TRPM3: variants seen among roughly 807,000 people sequenced by gnomAD.
TRPM3 encodes the protein long transient receptor potential channel 3.
Under a neutral mutation model 181.2 loss-of-function variants are expected in TRPM3, and 77 were observed. That is an observed-to-expected ratio of 0.42 (90% confidence interval 0.35 to 0.51). The LOEUF (loss-of-function observed/expected upper bound fraction) is 0.51, where lower values mean the gene tolerates loss of function less well. TRPM3 is among the 20% of genes least tolerant of loss of function. The pLI is 0.01. For missense variants in TRPM3, 1,759 were observed against 2,196.7 expected (o/e 0.80, Z 3.98); for synonymous variants, 745 against 796.4 (o/e 0.94, Z 1.09).
intron 1 of TRPM3, among the ~76,000 whole-genome samples, chr9:71,114,661 G>A (rs2071908996): frequency 6.6e-6 from 1 of 152,168 alleles, no homozygotes; most frequent in Non-Finnish European, 1.5e-5. Context: ...AGTTATGGCT[G>A]CTTCAGCCTT....
At chr9:71,012,522 T>C (rs1255874682) in intron 1 of TRPM3, among the ~76,000 whole-genome samples, 3 of 151,942 alleles carry the variant, frequency 2.0e-5, no homozygotes, top group Non-Finnish European at 4.4e-5. Flanking sequence ...AGCCAACTTG[T>C]TTACGTCCAG....
intron 1 of TRPM3, among the ~76,000 whole-genome samples, chr9:70,880,005 GA>G (rs1260986644): frequency 6.6e-6 from 1 of 152,030 alleles, no homozygotes; most frequent in Non-Finnish European, 1.5e-5. Context: ...TTACATGCTG[GA>G]AAACACTGAT....
intron 1 of TRPM3, among the ~76,000 whole-genome samples, chr9:71,438,557 C>A (rs2094084902): frequency 6.6e-6 from 1 of 152,048 alleles, no homozygotes; most frequent in South Asian, 2.1e-4. Flanking sequence ...CATGTAGTCC[C>A]AGCTACTTGG....
At position 70,615,734 on chromosome 9, in the gene TRPM3, C is replaced by T. The variant is rs531092085; in HGVS notation, c.2526+174G>A. ...GTGGACCCTATGGTCATGCTATTTA[C>T]ACTTTTCCAATACCCTGGTCTCAAT... On this transcript the variant is annotated intron_variant, in intron 18 of 25. Transcript: ENST00000677713. Among the ~76,000 whole-genome samples the T allele has an allele frequency of 1.4e-4, 22 of 152,338 alleles. No homozygotes were observed. In the South Asian group the frequency reaches 2.3e-3, roughly 16 times the overall value.
At chr9:71,168,472 A>G (rs2076642499) in intron 1 of TRPM3, among the ~76,000 whole-genome samples, 1 of 148,752 alleles carries the variant, frequency 6.7e-6, no homozygotes. Context: ...TGGCAATGTC[A>G]GCATCACTAA....
intron 6 of TRPM3, among the ~76,000 whole-genome samples, chr9:70,799,678 C>A (rs1490458669): frequency 6.6e-6 from 1 of 152,150 alleles, no homozygotes; most frequent in East Asian, 1.9e-4. Context: ...TAGAGCTAAT[C>A]CTGCAGTAAT....
intron 1 of TRPM3, among the ~76,000 whole-genome samples, chr9:71,407,245 C>A (rs1055402461): frequency 1.4e-4 from 22 of 152,218 alleles, no homozygotes; most frequent in African/African-American, 4.1e-4. Flanking sequence ...GGGTGCAGCC[C>A]ATGAAGTGTG....
chr9:70,917,402 G>A, intron 1 of TRPM3: 3 of 862,964 alleles, frequency 3.5e-6, no homozygotes, highest in Non-Finnish European at 6.0e-6. Context: ...GCTCAGTGGG[G>A]ACACCACCTC....
intron 1 of TRPM3, among the ~76,000 whole-genome samples, chr9:70,929,400 C>G (rs1391067407): frequency 1.3e-5 from 2 of 152,072 alleles, no homozygotes; most frequent in African/African-American, 4.8e-5. Flanking sequence ...CGGAGTTTCA[C>G]CATGTTGGCC....
intron 11 of TRPM3, 41 bp from the exon 12 acceptor site, chr9:70,635,302 G>A (rs2056975234): frequency 1.9e-6 from 3 of 1,595,806 alleles, no homozygotes; most frequent in African/African-American, 2.7e-5. Context: ...TTGCTAGTCA[G>A]GGGCTCTGGT....
chr9:70,583,665 T>C (rs1039342189), intron 22 of TRPM3, among the ~76,000 whole-genome samples: 1 of 152,204 alleles, frequency 6.6e-6, no homozygotes, highest in African/African-American at 2.4e-5. Flanking sequence ...AAGGAGAGCC[T>C]CCTTTGAGAT....
At chr9:70,570,228 T>G (rs955927849) in intron 22 of TRPM3, among the ~76,000 whole-genome samples, 3 of 44,584 alleles carry the variant, frequency 6.7e-5, no homozygotes, top group Non-Finnish European at 1.6e-4. Flanking sequence ...TAATTCAGAT[T>G]TGGTTTTTTT....
intron 1 of TRPM3, among the ~76,000 whole-genome samples, chr9:71,223,872 A>G (rs1314784812): frequency 1.3e-5 from 2 of 152,180 alleles, no homozygotes; most frequent in Admixed American, 1.3e-4. Context: ...GCTACAATAT[A>G]TTGGAGGAGC....
At chr9:71,102,142 A>G (rs903176614) in intron 1 of TRPM3, among the ~76,000 whole-genome samples, 4 of 152,218 alleles carry the variant, frequency 2.6e-5, no homozygotes, top group African/African-American at 9.6e-5. Context: ...TTACCTTGGT[A>G]GAAAATAAAA....
chr9:71,254,872 A>G (rs778743975), intron 1 of TRPM3, among the ~76,000 whole-genome samples: 21 of 152,184 alleles, frequency 1.4e-4, no homozygotes, highest in Non-Finnish European at 2.5e-4. Flanking sequence ...ATGAAAGGAA[A>G]GAAGACAAAG....
intron 1 of TRPM3, among the ~76,000 whole-genome samples, chr9:71,294,573 A>C (rs570533161): frequency 6.7e-6 from 1 of 148,622 alleles, no homozygotes; most frequent in African/African-American, 2.6e-5. Context: ...TTGGTATTGT[A>C]TAGTAGAGTT....
At chr9:71,162,837 G>A (rs993869688) in intron 1 of TRPM3, among the ~76,000 whole-genome samples, 6 of 152,142 alleles carry the variant, frequency 3.9e-5, no homozygotes, top group African/African-American at 1.2e-4. Flanking sequence ...AAGCATTAAG[G>A]TAGAGATGTG....
chr9:71,032,963 G>T (rs2134717350), intron 1 of TRPM3, among the ~76,000 whole-genome samples: 1 of 152,278 alleles, frequency 6.6e-6, no homozygotes, highest in East Asian at 1.9e-4. Flanking sequence ...AAAACTCCCT[G>T]CTTTACTTAG....
chr9:71,368,618 A>G lies in TRPM3; in HGVS notation c.183+78035T>C, dbSNP rs2092414883. Among the ~76,000 whole-genome samples, 4 of 152,328 alleles carry G rather than the reference A, an allele frequency of 2.6e-5. No individual in the cohort carries two copies. The South Asian group carries it at 8.3e-4, about 32-fold the overall frequency. ...TTTTATAATGCTTTTTTAATAATAA[A>G]TATCTCCACCCTTAATAGAGTTGCA... On this transcript the variant is annotated intron_variant, in intron 1 of 24. Coordinates refer to the TRPM3 transcript ENST00000357533.
Sources: allele counts gnomAD v4.1 joint callset (sites outside exome capture counted in the v4.1 genomes callset), GRCh38; gene constraint gnomAD v4.1.1; transcripts MANE v1.5; gene names NCBI Gene and HGNC (gene_info 2026-07-23, HGNC 2026-07-21).